The following PAX1 variants were observed in gnomAD, a reference collection of about 807,000 sequenced individuals.
PAX1 encodes the protein paired box 1.
PAX1 carries 18 observed loss-of-function variants against 35.6 expected under a neutral mutation model. The ratio of observed to expected loss-of-function variants is 0.50; its 90% CI spans 0.35 to 0.75. The LOEUF (loss-of-function observed/expected upper bound fraction) is 0.75, where lower values mean the gene tolerates loss of function less well. Ranked by LOEUF, PAX1 falls within the 30% of genes least tolerant of loss-of-function variation. PAX1 has a pLI of 0.01. For synonymous variants in PAX1, 397 were observed against 305.2 expected (o/e 1.30, Z -3.14); for missense variants, 760 against 661.5 (o/e 1.15, Z -1.63).
chr20:21,711,089 C>T (rs182136178), intron 4 of PAX1, among the ~76,000 whole-genome samples: 1 of 152,122 alleles, frequency 6.6e-6, no homozygotes, highest in African/African-American at 2.4e-5. Flanking sequence ...CTGTCGAAAT[C>T]GAAATCAAAA....
At position 21,709,317 on chromosome 20, in the gene PAX1, C is replaced by T. The variant is rs771131227; in HGVS notation, c.1155C>T (p.Gly385=). 6.2e-7 allele frequency: 1 copy of T among 1,600,796 alleles called. No individual in the cohort carries two copies. Among genetic ancestry groups the T allele is most frequent in the South Asian group, 1.1e-5 (1 of 90,922 alleles). The part of the protein sequence containing the change: ...QHGVYSAPGG[G]YLAPGPPWPP... ...GCGTGTACAGCGCCCCGGGCGGCGGCTACCTCGCCCCGGGCCCGCCGTGGC... is the reference window on the plus strand; with the variant it reads ...GCGTGTACAGCGCCCCGGGCGGCGGTTACCTCGCCCCGGGCCCGCCGTGGC... Residue 385 remains glycine, a synonymous_variant, in exon 4 of 5, where the codon GGC becomes GGT. Coordinates refer to ENST00000613128, the MANE Select transcript of PAX1 (RefSeq NM_001257096.2).
At chr20:21,712,924 G>GC (rs1266098788) in intron 4 of PAX1, among the ~76,000 whole-genome samples, 5 of 152,024 alleles carry the variant, frequency 3.3e-5, no homozygotes, top group Admixed American at 6.6e-5. Flanking sequence ...CCCATTCTTA[G>GC]CCCCTGAATT....
rs1985011328 is a variant in PAX1, at chr20:21,706,658, G to A, written c.507G>A (p.Lys169=). The part of the protein sequence containing the change: ...SILPGAIGGS[K]PRVTTPNVVK... ...TGCCCGGGGCCATCGGGGGGAGCAA[G>A]CCCCGCGTCACCACTCCCAACGTGG... The change falls in exon 2 of 5, where the codon AAG becomes AAA. Residue 169 remains lysine (K), a synonymous_variant. Transcript: ENST00000613128. The surrounding 1 kb of genome is among the most constrained non-coding windows in gnomAD (Gnocchi z 5.3). 1 of 1,612,254 alleles carries A rather than the reference G, an allele frequency of 6.2e-7. No individual in the cohort carries two copies. Among genetic ancestry groups the A allele is most frequent in the African/African-American group, 1.3e-5 (1 of 74,944 alleles).
rs766480974 is a variant in PAX1, at chr20:21,717,709, T to A, written c.*3147T>A. ...TTTTAATTTAAGAATAAGTTTTTTT[T>A]AGAAAAATATAGAGATGTAACCCAA... is the stretch of plus-strand genomic sequence containing the variant. On this transcript the variant is annotated 3_prime_UTR_variant, in exon 5 of 5. Coordinates refer to ENST00000613128, the MANE Select transcript of PAX1 (RefSeq NM_001257096.2). 13 of 152,116 alleles carry A rather than the reference T, an allele frequency of 8.5e-5. No individual in the cohort carries two copies. The highest frequency in any genetic ancestry group is 5.2e-4 in the Admixed American group (8 of 15,262). The allele number at this position is 152,116 out of a possible 1,614,324, so 9.4% of individuals were successfully genotyped here.
chr20:21,708,723 C>T, intron 3 of PAX1, 23 bp downstream of exon 3: 1 of 1,612,030 alleles, frequency 6.2e-7, no homozygotes, highest in Non-Finnish European at 8.5e-7. Context: ...CACGTGAGGC[C>T]GTGACCTTAA....
chr20:21,709,694 G>C (rs1985139120), intron 4 of PAX1, among the ~76,000 whole-genome samples: 1 of 152,170 alleles, frequency 6.6e-6, no homozygotes. Flanking sequence ...TATGATGGGA[G>C]AGGTGAAAGG....
intron 4 of PAX1, among the ~76,000 whole-genome samples, chr20:21,710,388 G>A (rs1274994315): frequency 1.3e-5 from 2 of 152,206 alleles, no homozygotes; most frequent in African/African-American, 4.8e-5. Flanking sequence ...TAGGTTCTGA[G>A]CACCAGAAAT....
chr20:21,713,408 G>GTGTGTGTC (rs1390254667), intron 4 of PAX1, among the ~76,000 whole-genome samples: 2 of 151,506 alleles, frequency 1.3e-5, no homozygotes, highest in African/African-American at 2.4e-5. Flanking sequence ...GTGTGTGTGT[G>GTGTGTGTC]TGTCTTGCAC....
intron 2 of PAX1, 88 bp downstream of exon 2, chr20:21,707,155 C>T: frequency 6.6e-7 from 1 of 1,525,946 alleles, no homozygotes; most frequent in Admixed American, 1.8e-5. Context: ...ACTCGCTCTC[C>T]TCCCGGGACC....
At position 21,716,861 on chromosome 20, in the gene PAX1, A is replaced by C. The variant is rs1280968605; in HGVS notation, c.*2299A>C. The C allele has an allele frequency of 1.3e-5, 2 of 152,206 alleles. No individual in the cohort carries two copies. Among genetic ancestry groups the C allele is most frequent in the South Asian group, 4.1e-4 (2 of 4,826 alleles). The allele number at this position is 152,206 out of a possible 1,614,324, so 9.4% of individuals were successfully genotyped here. On this transcript the variant is annotated 3_prime_UTR_variant, in exon 5 of 5. Transcript: ENST00000613128. ...TCCTGGACAGAATTTTCATGCACCC[A>C]TTTGTGCTGCCTGGAGAAGGACTGG... is the stretch of plus-strand genomic sequence containing the variant.
At chr20:21,713,373 C>CTTTTTTTT (rs113207408) in intron 4 of PAX1, among the ~76,000 whole-genome samples, 1 of 124,198 alleles carries the variant, frequency 8.1e-6, no homozygotes. Flanking sequence ...CGTGTGTTTT[C>CTTTTTTTT]TTTTTTTTTT....
In PAX1 at chr20:21,714,878, TCA is replaced by T; in HGVS notation, c.*318_*319del. On this transcript the variant is annotated 3_prime_UTR_variant, in exon 5 of 5. Coordinates refer to ENST00000613128, the MANE Select transcript of PAX1 (RefSeq NM_001257096.2). The stretch of plus-strand genomic sequence containing the variant: ...CTGCCAGCTTCAAATTTCTTTTTTG[TCA>T]CTCCCTTGTCCGTCTCCGTCTCGCC... 1 of 1,220,712 alleles carries T rather than the reference TCA, an allele frequency of 8.2e-7. No individual in the cohort carries two copies. Among genetic ancestry groups the T allele is most frequent in the Non-Finnish European group, 1.2e-6 (1 of 843,194 alleles). The allele number at this position is 1,220,712 out of a possible 1,614,324, so 75.6% of individuals were successfully genotyped here. A position where few individuals can be genotyped will look rare whatever the true frequency, so the allele number is the denominator to read the frequency against.
Position 21,706,903 on chromosome 20 carries a change from T to C in PAX1, c.752T>C (p.Ile251Thr), listed in dbSNP as rs1985027229. The C allele has an allele frequency of 1.2e-6, 2 of 1,613,198 alleles. No homozygotes were observed. The highest frequency in any genetic ancestry group is 1.7e-6 in the Non-Finnish European group (2 of 1,179,968). Residue 251 changes from isoleucine to threonine, a missense_variant, in exon 2 of 5, where the codon ATC (isoleucine) becomes ACC (threonine). This residue lies in a region of PAX1 where 490 missense variants were observed against 428.4 expected (regional missense o/e 1.14). Transcript: ENST00000613128. This position sits in a 1 kb window ranked among gnomAD's most constrained non-coding sequence, Gnocchi z 5.3. ...CAGCCTACGCTGCCCTACAACCACA[T>C]CTACCAGTACCCCTACCCCAGTCCC... ...PSQPTLPYNH[I>T]YQYPYPSPVS...
chr20:21,706,180 C>A lies in PAX1; in HGVS notation c.286+182C>A. On this transcript the variant is annotated intron_variant, in intron 1 of 4. Coordinates refer to ENST00000613128, the MANE Select transcript of PAX1 (RefSeq NM_001257096.2). This position sits in a 1 kb window ranked among gnomAD's most constrained non-coding sequence, Gnocchi z 5.3. ...GAGCAAGTCTGGGAAGGGAGTGTTCCAAGTAGACGCGCTAAAAGTCGCGAA... is the reference window on the plus strand; with the variant it reads ...GAGCAAGTCTGGGAAGGGAGTGTTCAAAGTAGACGCGCTAAAAGTCGCGAA... 1.3e-6 allele frequency: 1 copy of A among 770,426 alleles called. No homozygotes were observed. Among genetic ancestry groups the A allele is most frequent in the Non-Finnish European group, 2.2e-6 (1 of 448,538 alleles). 47.7% of individuals were successfully genotyped at this position (770,426 alleles called of 1,614,324 possible). A position where few individuals can be genotyped will look rare whatever the true frequency, so the allele number is the denominator to read the frequency against.
In PAX1 at chr20:21,707,005, C is replaced by T. The variant is rs775010083; in HGVS notation, c.854C>T (p.Ser285Leu). The change falls in exon 2 of 5, where the codon TCA becomes TTA. Residue 285 changes from serine (S) to leucine (L), a missense_variant. Physicochemically the swap from Ser to Leu is moderately radical, Grantham distance 145 (BLOSUM62 -2). Coordinates refer to ENST00000613128, the MANE Select transcript of PAX1 (RefSeq NM_001257096.2). The stretch of plus-strand genomic sequence containing the variant: ...GCGGGCCACGTCAGCATCCCGCGCT[C>T]ATGGCCCTCGGCACACTCGGTCAGC... ...GTAGHVSIPR[S>L]WPSAHSVSNI... 4.3e-6 allele frequency: 7 copies of T among 1,613,096 alleles called. No homozygotes were observed. The highest frequency in any genetic ancestry group is 5.9e-6 in the Non-Finnish European group (7 of 1,180,006).
At chr20:21,708,217 T>G in intron 2 of PAX1, 1 of 468,530 alleles carries the variant, frequency 2.1e-6, no homozygotes. Flanking sequence ...TTCATGAGGT[T>G]GCTGTAGCTT....
rs1431685220 is a variant in PAX1, at chr20:21,715,983, T to G, written c.*1421T>G. The stretch of plus-strand genomic sequence containing the variant: ...AATAAAGGAAAGCGTCTGAAAGGTG[T>G]GTGGTGAGGTGAGCAAGTCTGTTTC... On this transcript the variant is annotated 3_prime_UTR_variant, in exon 5 of 5. Coordinates refer to ENST00000613128, the MANE Select transcript of PAX1 (RefSeq NM_001257096.2). The G allele has an allele frequency of 1.3e-5, 2 of 152,206 alleles. No individual in the cohort carries two copies. The highest frequency in any genetic ancestry group is 2.9e-5 in the Non-Finnish European group (2 of 68,078). 9.4% of individuals were successfully genotyped at this position (152,206 alleles called of 1,614,324 possible). A position where few individuals can be genotyped will look rare whatever the true frequency, so the allele number is the denominator to read the frequency against.
intron 4 of PAX1, among the ~76,000 whole-genome samples, chr20:21,712,792 G>GCTGGCAACCCCGGCCTC (rs1985237269): frequency 6.6e-6 from 1 of 152,222 alleles, no homozygotes; most frequent in Non-Finnish European, 1.5e-5. Flanking sequence ...GCACCCGGAC[G>GCTGGCAACCCCGGCCTC]CTGGCAACCC....
chr20:21,706,146 G>T lies in PAX1; in HGVS notation c.286+148G>T. On this transcript the variant is annotated intron_variant, in intron 1 of 4. Coordinates refer to ENST00000613128, the MANE Select transcript of PAX1 (RefSeq NM_001257096.2). This position sits in a 1 kb window ranked among gnomAD's most constrained non-coding sequence, Gnocchi z 5.3. The stretch of plus-strand genomic sequence containing the variant: ...TTCTCCTCTGATCCCCAGCCTTCAG[G>T]GGGCAGTTGAGCAAGTCTGGGAAGG... 1 of 815,794 alleles carries T rather than the reference G, an allele frequency of 1.2e-6. No homozygotes were observed. Among genetic ancestry groups the T allele is most frequent in the South Asian group, 1.5e-5 (1 of 67,982 alleles). 50.5% of individuals were successfully genotyped at this position (815,794 alleles called of 1,614,324 possible). A position where few individuals can be genotyped will look rare whatever the true frequency, so the allele number is the denominator to read the frequency against.
Sources: gnomAD v4.1 joint callset for allele counts (sites outside exome capture counted in the v4.1 genomes callset) on GRCh38, gnomAD v4.1.1 for gene constraint, gnomAD v4.1.1 regional missense constraint, Gnocchi (gnomAD v3.1) non-coding constraint, MANE v1.5 for transcripts, NCBI Gene and HGNC (gene_info 2026-07-23, HGNC 2026-07-21) for gene names.